The following KLHL13 variants were observed in gnomAD, a reference collection of about 807,000 sequenced individuals.
The protein encoded by KLHL13 is kelch-like protein 13.
Under a neutral mutation model 37.1 loss-of-function variants are expected in KLHL13, and 10 were observed. That is an observed-to-expected ratio of 0.27 (90% CI 0.17 to 0.46). KLHL13 has a LOEUF of 0.46. Ranked by LOEUF, KLHL13 falls within the 20% of genes least tolerant of loss-of-function variation. The probability of loss-of-function intolerance (pLI) is 1.00; values close to 1 mark genes in which losing one functional copy is unlikely to be tolerated. For missense variants in KLHL13, 360 were observed against 509.3 expected, an observed-to-expected ratio of 0.71 and a Z score of 2.82; for synonymous variants, 163 against 181.2, an observed-to-expected ratio of 0.90 and a Z score of 0.81.
chrX:117,916,178 C>A (rs375800371), intron 4 of KLHL13, among the ~76,000 whole-genome samples: 82 of 100,319 alleles, frequency 8.2e-4, no homozygotes, highest in East Asian at 4.9e-3. Context: ...AACAAACAAA[C>A]AAAAAAAAAA....
chrX:117,949,338 A>G (rs191121839), intron 1 of KLHL13, among the ~76,000 whole-genome samples: 8 of 111,816 alleles, frequency 7.2e-5, no homozygotes, highest in African/African-American at 2.6e-4. Context: ...TTTAATAGCA[A>G]GCAACATGAC....
chrX:118,070,626 G>A (rs2054848037), intron 1 of KLHL13, among the ~76,000 whole-genome samples: 2 of 110,514 alleles, frequency 1.8e-5, no homozygotes, highest in Admixed American at 9.6e-5. Flanking sequence ...TTCAAATTAT[G>A]TATAACCATA....
At chrX:117,983,134 A>C (rs2053682156) in intron 1 of KLHL13, among the ~76,000 whole-genome samples, 1 of 111,981 alleles carries the variant, frequency 8.9e-6, no homozygotes. Flanking sequence ...CTGTGGTCCA[A>C]CTGCAGCTGT....
chrX:117,944,373 G>C (rs1323080614), intron 2 of KLHL13, among the ~76,000 whole-genome samples: 1 of 111,311 alleles, frequency 9.0e-6, no homozygotes, highest in Non-Finnish European at 1.9e-5. Flanking sequence ...CGGAAATACT[G>C]GGGAAATGGG....
At chrX:117,979,285 G>C (rs1016912929) in intron 1 of KLHL13, among the ~76,000 whole-genome samples, 3 of 111,774 alleles carry the variant, frequency 2.7e-5, no homozygotes, top group Non-Finnish European at 3.8e-5. Flanking sequence ...TGTGATTTTA[G>C]ATTACCATTT....
At chrX:118,067,552 A>G (rs2054808502) in intron 1 of KLHL13, among the ~76,000 whole-genome samples, 1 of 112,081 alleles carries the variant, frequency 8.9e-6, no homozygotes, top group Non-Finnish European at 1.9e-5. Flanking sequence ...AACTTAGCTT[A>G]AAACACATTA....
Position 117,957,109 on chromosome X carries a change from A to G in KLHL13, c.99-11534T>C, listed in dbSNP as rs192312338. On this transcript the variant is annotated intron_variant, in intron 1 of 6. Coordinates refer to ENST00000262820, the Ensembl canonical transcript of KLHL13. ...GCTTCTTCCCCATTTCCCATGTCCA[A>G]TCAACTGCTAAGTTCAACTGAATCT... Among the ~76,000 whole-genome samples, 393 of 111,493 alleles carry G rather than the reference A, an allele frequency of 3.5e-3. 1 individual carries two copies. Among genetic ancestry groups the G allele is most frequent in the Non-Finnish European group, 6.1e-3 (326 of 53,011 alleles).
At chrX:118,074,185 T>C (rs1322766036) in intron 1 of KLHL13, among the ~76,000 whole-genome samples, 3 of 111,972 alleles carry the variant, frequency 2.7e-5, no homozygotes, top group African/African-American at 6.5e-5. Context: ...GAAAGAACAC[T>C]ATGACCTTAG....
chrX:117,972,182 A>G, intron 1 of KLHL13, among the ~76,000 whole-genome samples: 1 of 112,198 alleles, frequency 8.9e-6, no homozygotes, highest in Admixed American at 9.5e-5. Context: ...ATTCAAACTT[A>G]CACTTCAGAA....
intron 1 of KLHL13, among the ~76,000 whole-genome samples, chrX:118,051,576 T>C (rs948506104): frequency 9.1e-6 from 1 of 109,543 alleles, no homozygotes; most frequent in Non-Finnish European, 1.9e-5. Flanking sequence ...AAAAGAAAAA[T>C]AAAATTTTAT....
intron 1 of KLHL13, among the ~76,000 whole-genome samples, chrX:118,093,111 C>T (rs746218852): frequency 6.5e-4 from 72 of 111,067 alleles, no homozygotes; most frequent in African/African-American, 2.2e-3. Flanking sequence ...AATTTGCCTG[C>T]TAAAAGTGCC....
chrX:118,091,961 A>G (rs749325229), intron 1 of KLHL13, among the ~76,000 whole-genome samples: 18 of 112,250 alleles, frequency 1.6e-4, no homozygotes, highest in Non-Finnish European at 3.2e-4. Context: ...CAGGAATGGA[A>G]AACCACCAAA....
intron 5 of KLHL13, among the ~76,000 whole-genome samples, chrX:117,904,095 C>T (rs906499388): frequency 9.1e-6 from 1 of 110,047 alleles, no homozygotes; most frequent in Non-Finnish European, 1.9e-5. Flanking sequence ...CACAGGAGGC[C>T]CTCAGTTCAA....
Position 117,898,458 on chromosome X carries a change from G to A in KLHL13, c.*450C>T, listed in dbSNP as rs140487028. 1.7e-3 allele frequency: 195 copies of A among 114,213 alleles called. No individual in the cohort carries two copies. In the East Asian group the frequency reaches 0.024, roughly 14 times the overall value. 9.4% of individuals were successfully genotyped at this position (114,213 alleles called of 1,213,427 possible). ...GGCAACCTTTTGTGTATTGTTTCCT[G>A]TTCAAGCAGGCTGCCTCCCTTTGAC... On this transcript the variant is annotated 3_prime_UTR_variant, in exon 7 of 7. Coordinates refer to ENST00000262820, the Ensembl canonical transcript of KLHL13.
Position 117,919,636 on chromosome X carries a change from A to G in KLHL13, c.455T>C (p.Ile152Thr), listed in dbSNP as rs764513276. ...ATTAAGAGAAAGCTTTGCAGTATAA[A>G]TGAAATCAATAATTTTCCTTAGACC... The change falls in exon 4 of 7, where the codon ATT becomes ACT. Residue 152 changes from isoleucine to threonine, a missense_variant. Transcript: ENST00000262820. The G allele has an allele frequency of 5.0e-6, 6 of 1,206,440 alleles. No homozygotes were observed. The African/African-American group carries it at 7.0e-5, about 14-fold the overall frequency.
intron 2 of KLHL13, among the ~76,000 whole-genome samples, chrX:117,923,903 A>G (rs1931861824): frequency 8.9e-6 from 1 of 111,954 alleles, no homozygotes; most frequent in Non-Finnish European, 1.9e-5. Flanking sequence ...TGGTGTCCCA[A>G]AAGAAAAGAA....
chrX:117,904,359 C>T (rs936876627), intron 5 of KLHL13, among the ~76,000 whole-genome samples: 18 of 111,127 alleles, frequency 1.6e-4, no homozygotes, highest in African/African-American at 4.3e-4. Context: ...CATATTTACA[C>T]GACACTCAGA....
intron 1 of KLHL13, among the ~76,000 whole-genome samples, chrX:118,014,074 A>T (rs1004009022): frequency 1.7e-4 from 19 of 112,176 alleles, no homozygotes; most frequent in African/African-American, 6.2e-4. Flanking sequence ...AGTGCACCCT[A>T]AGAAAGAACA....
chrX:117,931,824 A>G (rs1276666059), intron 2 of KLHL13, among the ~76,000 whole-genome samples: 1 of 111,310 alleles, frequency 9.0e-6, no homozygotes, highest in African/African-American at 3.3e-5. Context: ...GTCCTTATCT[A>G]TAAAATGGAG....
Sources: allele counts gnomAD v4.1 joint callset (sites outside exome capture counted in the v4.1 genomes callset), GRCh38; gene constraint gnomAD v4.1.1; transcripts MANE v1.5; gene names NCBI Gene and HGNC (gene_info 2026-07-23, HGNC 2026-07-21).